Variants in OR8J1 observed in about 807,000 individuals in gnomAD.
The protein encoded by OR8J1 is olfactory receptor family 8 subfamily J member 1.
For missense variants in OR8J1, 400 were observed against 373.0 expected, an observed-to-expected ratio of 1.07 and a Z score of -0.60; for synonymous variants, 157 against 144.3, an observed-to-expected ratio of 1.09 and a Z score of -0.63.
chr11:56,357,503 C>T (rs1854985242), intron 1 of OR8J1: 6 of 856,662 alleles, frequency 7.0e-6, no homozygotes, highest in Non-Finnish European at 1.2e-5. Flanking sequence ...ACAGATATAT[C>T]ATTTGTCAGA....
chr11:56,357,524 C>T (rs1405700157), intron 1 of OR8J1: 8 of 846,664 alleles, frequency 9.4e-6, no homozygotes, highest in Admixed American at 6.8e-5. Flanking sequence ...TTGCTTATGG[C>T]TGTATAGAGG....
In OR8J1 at chr11:56,361,484, T is replaced by TA. The variant is rs1206447705; in HGVS notation, c.*294dup. On this transcript the variant is annotated 3_prime_UTR_variant, in exon 2 of 2. Coordinates refer to ENST00000533152, the MANE Select transcript of OR8J1 (RefSeq NM_001005205.3). ...GTTTCCAGCAGTTAGAAAAAAAAATTAAAAAAAGTTAAATAAGTTTGAATG... is the reference window on the plus strand; with the variant it reads ...GTTTCCAGCAGTTAGAAAAAAAAATTAAAAAAAAGTTAAATAAGTTTGAATG... 1 of 290,342 alleles carries TA rather than the reference T, an allele frequency of 3.4e-6. No individual in the cohort carries two copies. The highest frequency in any genetic ancestry group is 2.2e-5 in the African/African-American group (1 of 46,200). The allele number at this position is 290,342 out of a possible 1,614,324, so 18.0% of individuals were successfully genotyped here. A position where few individuals can be genotyped will look rare whatever the true frequency, so the allele number is the denominator to read the frequency against.
intron 1 of OR8J1, among the ~76,000 whole-genome samples, chr11:56,354,630 T>A (rs1162193033): frequency 6.6e-6 from 1 of 152,180 alleles, no homozygotes; most frequent in African/African-American, 2.4e-5. Context: ...GTTTATATCA[T>A]GGTTGTATTA....
Position 56,360,612 on chromosome 11 carries a change from C to A in OR8J1, c.366C>A (p.Arg122=), listed in dbSNP as rs1852623158. The change falls in exon 2 of 2, where the codon CGC becomes CGA. Residue 122 remains arginine (R), a synonymous_variant. Transcript: ENST00000533152. ...VIMLALMAYD[R]YVAICNPLLY... ...TGCTGGCTTTGATGGCCTATGACCG[C>A]TATGTGGCTATTTGTAACCCTCTGC... 1 of 1,613,340 alleles carries A rather than the reference C, an allele frequency of 6.2e-7. No individual in the cohort carries two copies. The highest frequency in any genetic ancestry group is 8.5e-7 in the Non-Finnish European group (1 of 1,179,702).
chr11:56,361,120 A>G lies in OR8J1; in HGVS notation c.874A>G (p.Ser292Gly). Residue 292 changes from serine (S) to glycine (G), a missense_variant, in exon 2 of 2, where the codon AGC becomes GGC. Ser to Gly is a moderately conservative substitution (Grantham distance 56). Coordinates refer to ENST00000533152, the MANE Select transcript of OR8J1 (RefSeq NM_001005205.3). ...VIPMLNPLIY[S>G]LRNKDVKTAL... ...TCCTATGCTGAATCCCTTGATCTACAGCCTGAGGAATAAGGATGTGAAGAC... is the reference window on the plus strand; with the variant it reads ...TCCTATGCTGAATCCCTTGATCTACGGCCTGAGGAATAAGGATGTGAAGAC... The G allele has an allele frequency of 6.7e-7, 1 of 1,494,272 alleles. No individual in the cohort carries two copies. The highest frequency in any genetic ancestry group is 8.8e-7 in the Non-Finnish European group (1 of 1,129,970). The allele number at this position is 1,494,272 out of a possible 1,614,324, so 92.6% of individuals were successfully genotyped here.
In OR8J1 at chr11:56,361,040, AC is replaced by A. The variant is rs1222399141; in HGVS notation, c.796del (p.His266IlefsTer17). 7 of 1,495,742 alleles carry A rather than the reference AC, an allele frequency of 4.7e-6. No homozygotes were observed. Among genetic ancestry groups the A allele is most frequent in the African/African-American group, 1.4e-5 (1 of 69,722 alleles). The allele number at this position is 1,495,742 out of a possible 1,614,324, so 92.7% of individuals were successfully genotyped here. Reference sequence around the variant, plus strand: ...TTCATGTATGTGCAGCCCCGAAGTAACCATTCACTGGATACTGATGATAAGA... The same window carrying A: ...TTCATGTATGTGCAGCCCCGAAGTAACATTCACTGGATACTGATGATAAGA... ...LLFMYVQPRS[N>X]HSLDTDDKMA... On this transcript the variant is annotated frameshift_variant, in exon 2 of 2. Transcript: ENST00000533152. LOFTEE classifies it low-confidence loss of function (END_TRUNC).
chr11:56,357,405 A>T lies in OR8J1; in HGVS notation c.-20-2822A>T, dbSNP rs1854982404. The T allele has an allele frequency of 2.3e-6, 2 of 852,442 alleles. 1 individual carries two copies. Among genetic ancestry groups the T allele is most frequent in the South Asian group, 2.7e-5 (2 of 74,378 alleles). 52.8% of individuals were successfully genotyped at this position (852,442 alleles called of 1,614,324 possible). A position where few individuals can be genotyped will look rare whatever the true frequency, so the allele number is the denominator to read the frequency against. On this transcript the variant is annotated intron_variant, in intron 1 of 1. Coordinates refer to ENST00000533152, the MANE Select transcript of OR8J1 (RefSeq NM_001005205.3). ...ATTTAGAAGACGACGAGAGGGTAAA[A>T]CTGATTACTATGCTCGGAAACGCTT...
rs760695563 is a variant in OR8J1 at position 56,361,248 on chromosome 11, T to C, written c.*51T>C. ...AGAGAGTTAATATAAGCTGCCATTATGTAAAAGAAAATGTAGGAAAAAGAA... is the reference window on the plus strand; with the variant it reads ...AGAGAGTTAATATAAGCTGCCATTACGTAAAAGAAAATGTAGGAAAAAGAA... On this transcript the variant is annotated 3_prime_UTR_variant, in exon 2 of 2. Coordinates refer to ENST00000533152, the MANE Select transcript of OR8J1 (RefSeq NM_001005205.3). 3.9e-6 allele frequency: 3 copies of C among 763,148 alleles called. No individual in the cohort carries two copies. The highest frequency in any genetic ancestry group is 5.6e-6 in the Non-Finnish European group (3 of 533,098). 47.3% of individuals were successfully genotyped at this position (763,148 alleles called of 1,614,324 possible).
chr11:56,356,313 G>A (rs114159881), intron 1 of OR8J1, among the ~76,000 whole-genome samples: 2,888 of 152,194 alleles, frequency 0.019, 98 homozygotes, highest in African/African-American at 0.066. Flanking sequence ...GAAAATCATA[G>A]GATGAATATG....
At position 56,360,549 on chromosome 11, in the gene OR8J1, G is replaced by A. The variant is rs1852621189; in HGVS notation, c.303G>A (p.Leu101=). ...CATTCTATGAATGTGCCACCCAACT[G>A]GGAGGGTTCTTGTTCTTTATTGTAT... ...TTSFYECATQ[L]GGFLFFIVSE... Residue 101 remains leucine (L), a synonymous_variant, in exon 2 of 2, where the codon CTG becomes CTA. Transcript: ENST00000533152. 1 of 1,613,930 alleles carries A rather than the reference G, an allele frequency of 6.2e-7. No homozygotes were observed. Among genetic ancestry groups the A allele is most frequent in the Non-Finnish European group, 8.5e-7 (1 of 1,180,006 alleles).
chr11:56,357,950 A>T, intron 1 of OR8J1: 1 of 867,650 alleles, frequency 1.2e-6, no homozygotes, highest in Non-Finnish European at 1.9e-6. Context: ...CTTAGTTGCT[A>T]GCGCTACTTA....
rs561563172 is a variant in OR8J1, at chr11:56,355,978, AAT to A, written c.-21+1655_-21+1656del. 2.4e-3 allele frequency among the ~76,000 whole-genome samples: 360 copies of A among 152,334 alleles called. 1 individual carries two copies. The highest frequency in any genetic ancestry group is 3.3e-3 in the Non-Finnish European group (226 of 68,016). On this transcript the variant is annotated intron_variant, in intron 1 of 1. Coordinates refer to ENST00000533152, the MANE Select transcript of OR8J1 (RefSeq NM_001005205.3). ...AACAGTGAAGACATGGAAGGTCAGA[AAT>A]AAAAATATGCCTTAAAGGCATGTTT...
chr11:56,360,338 T>G lies in OR8J1; in HGVS notation c.92T>G (p.Phe31Cys). 6.2e-7 allele frequency: 1 copy of G among 1,614,102 alleles called. No individual in the cohort carries two copies. ...CTCCAGATTCCCCTCTTCCTGGTCTTTCTGGTGCTCTATGGGCTGACCATG... is the reference window on the plus strand; with the variant it reads ...CTCCAGATTCCCCTCTTCCTGGTCTGTCTGGTGCTCTATGGGCTGACCATG... Reference protein sequence around the residue: ...PELQIPLFLVFLVLYGLTMAG... With the variant: ...PELQIPLFLVCLVLYGLTMAG... Residue 31 changes from phenylalanine (F) to cysteine (C), a missense_variant, in exon 2 of 2, where the codon TTT becomes TGT. By Grantham distance (205) the Phe-to-Cys change is radical. Transcript: ENST00000533152.
intron 1 of OR8J1, among the ~76,000 whole-genome samples, chr11:56,358,577 G>T (rs865938749): frequency 6.6e-6 from 1 of 151,988 alleles, no homozygotes; most frequent in Non-Finnish European, 1.5e-5. Flanking sequence ...TGAAGAAAAA[G>T]AAATTAAAAC....
intron 1 of OR8J1, among the ~76,000 whole-genome samples, chr11:56,355,013 TCCA>T (rs1263689676): frequency 1.1e-4 from 16 of 152,134 alleles, no homozygotes; most frequent in African/African-American, 3.9e-4. Flanking sequence ...AGATACACTA[TCCA>T]ACCCTAGATT....
At chr11:56,355,177 A>G (rs1351017129) in intron 1 of OR8J1, among the ~76,000 whole-genome samples, 2 of 152,114 alleles carry the variant, frequency 1.3e-5, no homozygotes, top group East Asian at 1.9e-4. Flanking sequence ...ATTGTATAAC[A>G]AAAGAAAACC....
chr11:56,356,766 C>T (rs536080840), intron 1 of OR8J1, among the ~76,000 whole-genome samples: 5 of 152,228 alleles, frequency 3.3e-5, no homozygotes, highest in Non-Finnish European at 5.9e-5. Context: ...TCAAGCCTAA[C>T]CACATCAATA....
At chr11:56,356,754 T>G (rs1259488858) in intron 1 of OR8J1, among the ~76,000 whole-genome samples, 3 of 152,234 alleles carry the variant, frequency 2.0e-5, no homozygotes, top group African/African-American at 7.2e-5. Flanking sequence ...GATTGATGTT[T>G]CTCAAGCCTA....
intron 1 of OR8J1, among the ~76,000 whole-genome samples, chr11:56,359,796 T>C (rs1014215086): frequency 6.6e-6 from 1 of 152,138 alleles, no homozygotes; most frequent in Non-Finnish European, 1.5e-5. Context: ...GTTAGGATAG[T>C]ACCTAGAATC....
Sources: gnomAD v4.1 joint callset for allele counts (sites outside exome capture counted in the v4.1 genomes callset) on GRCh38, gnomAD v4.1.1 for gene constraint, MANE v1.5 for transcripts, NCBI Gene and HGNC (gene_info 2026-07-23, HGNC 2026-07-21) for gene names.